GRIN2A: variants seen among roughly 807,000 people sequenced by gnomAD.
GRIN2A encodes glutamate receptor ionotropic, NMDA 2A.
In GRIN2A, 22 loss-of-function variants were observed where a neutral mutation model predicts 113.4. That is an observed-to-expected ratio of 0.19 (90% confidence interval 0.14 to 0.28). The LOEUF (loss-of-function observed/expected upper bound fraction) is 0.28, where lower values mean the gene tolerates loss of function less well. Among genes scored for constraint, GRIN2A ranks in the 10% least tolerant of loss-of-function variants. The probability of loss-of-function intolerance (pLI) is 1.00; values close to 1 mark genes in which losing one functional copy is unlikely to be tolerated. For synonymous variants in GRIN2A, 827 were observed against 738.4 expected (o/e 1.12, Z -1.94); for missense variants, 1,502 against 1,887.0 (o/e 0.80, Z 3.78).
At chr16:9,978,292 G>A (rs1051664629) in intron 2 of GRIN2A, among the ~76,000 whole-genome samples, 1 of 152,102 alleles carries the variant, frequency 6.6e-6, no homozygotes, top group Non-Finnish European at 1.5e-5. Flanking sequence ...CAGTTACAGG[G>A]ACCTGGCTCA....
chr16:9,758,334 C>T lies in GRIN2A; in HGVS notation c.*4815G>A, dbSNP rs894941612. The T allele has an allele frequency of 3.6e-5, 8 of 224,056 alleles. No individual in the cohort carries two copies. Among genetic ancestry groups the T allele is most frequent in the South Asian group, 1.8e-4 (1 of 5,442 alleles). The allele number at this position is 224,056 out of a possible 1,614,324, so 13.9% of individuals were successfully genotyped here. A position where few individuals can be genotyped will look rare whatever the true frequency, so the allele number is the denominator to read the frequency against. On this transcript the variant is annotated 3_prime_UTR_variant, in exon 13 of 13. Coordinates refer to ENST00000330684, the MANE Select transcript of GRIN2A (RefSeq NM_001134407.3). ...TCGGCATTGTCTTCAGAAGCAAATG[C>T]GAGCAGAATATATTCTATACCCCTC...
intron 4 of GRIN2A, among the ~76,000 whole-genome samples, chr16:9,875,087 A>AC (rs71157789): frequency 1 from 151,678 of 151,678 alleles, 75,839 homozygotes; most frequent in Non-Finnish European, 1. Flanking sequence ...GCCTTGACCT[A>AC]TGGGCTCAAG....
At chr16:10,148,121 A>G (rs765002599) in intron 2 of GRIN2A, among the ~76,000 whole-genome samples, 5 of 152,138 alleles carry the variant, frequency 3.3e-5, no homozygotes, top group Non-Finnish European at 5.9e-5. Context: ...ACCTCTCAAC[A>G]TTGTAGAGCC....
chr16:9,792,723 G>A (rs934017810), intron 11 of GRIN2A, among the ~76,000 whole-genome samples: 2 of 152,052 alleles, frequency 1.3e-5, no homozygotes, highest in Admixed American at 6.6e-5. Flanking sequence ...ATGTCTATTG[G>A]AGTTTAAAAA....
intron 2 of GRIN2A, among the ~76,000 whole-genome samples, chr16:10,117,740 A>C (rs2048755890): frequency 6.6e-6 from 1 of 152,236 alleles, no homozygotes; most frequent in Non-Finnish European, 1.5e-5. Flanking sequence ...AGGGCTTAAC[A>C]GAGATTGATT....
At chr16:9,931,651 A>T (rs1356047584) in intron 3 of GRIN2A, among the ~76,000 whole-genome samples, 1 of 152,164 alleles carries the variant, frequency 6.6e-6, no homozygotes, top group Non-Finnish European at 1.5e-5. Flanking sequence ...TCTGAAAAAC[A>T]TCCACCCTCT....
At chr16:10,048,599 C>T (rs1049293036) in intron 2 of GRIN2A, among the ~76,000 whole-genome samples, 2 of 152,126 alleles carry the variant, frequency 1.3e-5, no homozygotes, top group Non-Finnish European at 2.9e-5. Flanking sequence ...AATAATCTCT[C>T]CTGGCCTGGG....
rs561958560 is a variant in GRIN2A at position 9,758,149 on chromosome 16, C to G, written c.*5000G>C. 4.6e-6 allele frequency: 1 copy of G among 216,050 alleles called. No homozygotes were observed. The highest frequency in any genetic ancestry group is 9.3e-6 in the Non-Finnish European group (1 of 107,118). 13.4% of individuals were successfully genotyped at this position (216,050 alleles called of 1,614,324 possible). A position where few individuals can be genotyped will look rare whatever the true frequency, so the allele number is the denominator to read the frequency against. On this transcript the variant is annotated 3_prime_UTR_variant, in exon 13 of 13. Transcript: ENST00000330684. ...AACTTTTGGTGTGGTTCTACGAACTCTATTTTTCTAAGACCCTTCTGGGCA... is the reference window on the plus strand; with the variant it reads ...AACTTTTGGTGTGGTTCTACGAACTGTATTTTTCTAAGACCCTTCTGGGCA...
intron 4 of GRIN2A, among the ~76,000 whole-genome samples, chr16:9,861,718 A>G (rs1409138453): frequency 6.6e-6 from 1 of 152,180 alleles, no homozygotes. Context: ...GTCACTTTGG[A>G]ACTCAATTTT....
intron 2 of GRIN2A, among the ~76,000 whole-genome samples, chr16:10,122,449 A>C (rs2048853419): frequency 6.6e-6 from 1 of 152,080 alleles, no homozygotes; most frequent in South Asian, 2.1e-4. Flanking sequence ...ATTCAGAATG[A>C]GCTATTTTCT....
intron 4 of GRIN2A, among the ~76,000 whole-genome samples, chr16:9,869,406 C>A (rs1003227587): frequency 3.9e-5 from 6 of 152,148 alleles, no homozygotes; most frequent in Non-Finnish European, 7.4e-5. Flanking sequence ...GCACTCCAGC[C>A]TGGGCAACAG....
chr16:9,986,091 T>G (rs1364503924), intron 2 of GRIN2A, among the ~76,000 whole-genome samples: 2 of 152,126 alleles, frequency 1.3e-5, no homozygotes, highest in Admixed American at 6.5e-5. Flanking sequence ...TCACACAACT[T>G]TAAAGGAAAA....
chr16:10,066,418 T>C (rs905646454), intron 2 of GRIN2A, among the ~76,000 whole-genome samples: 2 of 152,188 alleles, frequency 1.3e-5, no homozygotes, highest in Admixed American at 6.5e-5. Context: ...GTTTCAAGGT[T>C]AACCAATGTT....
chr16:9,988,369 A>T (rs566382752), intron 2 of GRIN2A, among the ~76,000 whole-genome samples: 7 of 152,180 alleles, frequency 4.6e-5, no homozygotes, highest in Non-Finnish European at 5.9e-5. Flanking sequence ...AAAACAGTGG[A>T]CAAATTATAC....
At chr16:9,815,213 C>A (rs1415532235) in intron 10 of GRIN2A, among the ~76,000 whole-genome samples, 1 of 151,828 alleles carries the variant, frequency 6.6e-6, no homozygotes, top group Non-Finnish European at 1.5e-5. Context: ...ACAACTCAAG[C>A]CTTTTAGAAA....
At chr16:10,096,539 A>AACACACACACACACACACACCC (rs2048293553) in intron 2 of GRIN2A, among the ~76,000 whole-genome samples, 1 of 137,670 alleles carries the variant, frequency 7.3e-6, no homozygotes, top group Non-Finnish European at 1.6e-5. Flanking sequence ...ATTGTGGTAA[A>AACACACACACACACACACACCC]ACACACACAC....
intron 2 of GRIN2A, among the ~76,000 whole-genome samples, chr16:10,168,975 C>CAACAAT (rs937241240): frequency 8.5e-5 from 12 of 141,550 alleles, no homozygotes; most frequent in Non-Finnish European, 1.5e-4. Flanking sequence ...CAAATAATAA[C>CAACAAT]AATAATAATA....
intron 2 of GRIN2A, among the ~76,000 whole-genome samples, chr16:9,999,177 A>C (rs1471306808): frequency 6.6e-6 from 1 of 152,192 alleles, no homozygotes; most frequent in Non-Finnish European, 1.5e-5. Flanking sequence ...TTCCAGCTAT[A>C]TTAGAGAGGT....
intron 2 of GRIN2A, among the ~76,000 whole-genome samples, chr16:10,048,221 T>C (rs1265911072): frequency 6.6e-6 from 1 of 152,226 alleles, no homozygotes; most frequent in African/African-American, 2.4e-5. Flanking sequence ...CACAAGGTTA[T>C]TATAAGGGCT....
Sources: allele counts gnomAD v4.1 joint callset (sites outside exome capture counted in the v4.1 genomes callset), GRCh38; gene constraint gnomAD v4.1.1; transcripts MANE v1.5; gene names NCBI Gene and HGNC (gene_info 2026-07-23, HGNC 2026-07-21).